The following GRIN2B variants were observed in gnomAD, a reference collection of about 807,000 sequenced individuals.
GRIN2B encodes glutamate ionotropic receptor NMDA type subunit 2B.
Under a neutral mutation model 114.5 loss-of-function variants are expected in GRIN2B, and 5 were observed. The ratio of observed to expected loss-of-function variants is 0.04; its 90% CI spans 0.02 to 0.09. GRIN2B has a LOEUF of 0.09. Ranked by LOEUF, GRIN2B falls within the 10% of genes least tolerant of loss-of-function variation. The pLI is 1.00. For synonymous variants in GRIN2B, 787 were observed against 745.1 expected (o/e 1.06, Z -0.92); for missense variants, 1,108 against 1,943.5 (o/e 0.57, Z 8.08).
At chr12:13,764,780 G>A (rs1051696416) in intron 3 of GRIN2B, among the ~76,000 whole-genome samples, 2 of 152,214 alleles carry the variant, frequency 1.3e-5, no homozygotes, top group African/African-American at 4.8e-5. Context: ...AAGTTGACAA[G>A]CAAGAAAGAG....
intron 3 of GRIN2B, among the ~76,000 whole-genome samples, chr12:13,865,022 A>G (rs1357902218): frequency 1.3e-5 from 2 of 152,206 alleles, no homozygotes; most frequent in African/African-American, 2.4e-5. Context: ...GTGCAGATCA[A>G]TATGTGTGAT....
chr12:13,588,286 A>G (rs773103017), intron 10 of GRIN2B, among the ~76,000 whole-genome samples: 1 of 152,228 alleles, frequency 6.6e-6, no homozygotes, highest in Non-Finnish European at 1.5e-5. Flanking sequence ...TTCTCTTTCA[A>G]ATAAGAGGCT....
intron 3 of GRIN2B, among the ~76,000 whole-genome samples, chr12:13,782,119 C>A (rs867421943): frequency 1.3e-5 from 2 of 152,068 alleles, no homozygotes. Flanking sequence ...GAACGTAAAA[C>A]GGTGTCTGAA....
Position 13,936,901 on chromosome 12 carries a change from G to GA in GRIN2B, c.-19+43026dup, listed in dbSNP as rs201912217. On this transcript the variant is annotated intron_variant, in intron 2 of 13. Transcript: ENST00000609686. ...AACTAGAAAGTACACTAACTGAAAT[G>GA]AAAAAAAAAATCATTGTATGGGCTT... Among the ~76,000 whole-genome samples, 287 of 148,432 alleles carry GA rather than the reference G, an allele frequency of 1.9e-3. 1 individual carries two copies. Among genetic ancestry groups the GA allele is most frequent in the African/African-American group, 5.4e-3 (221 of 40,618 alleles).
chr12:13,809,130 C>T (rs1184881402), intron 3 of GRIN2B, among the ~76,000 whole-genome samples: 2 of 152,112 alleles, frequency 1.3e-5, no homozygotes, highest in African/African-American at 2.4e-5. Context: ...CCTATAGATG[C>T]CAGTATCAAC....
In GRIN2B at chr12:13,551,960, G is replaced by A. The variant is rs1948418249; in HGVS notation, c.*10823C>T. ...CTGAAGTTTTAGGCAGGCATGTTTT[G>A]TTTCATTTCGAAAAAAAAACAATCC... On this transcript the variant is annotated 3_prime_UTR_variant, in exon 14 of 14. Coordinates refer to ENST00000609686, the MANE Select transcript of GRIN2B (RefSeq NM_000834.5). 1 of 151,688 alleles carries A rather than the reference G, an allele frequency of 6.6e-6. No individual in the cohort carries two copies. Among genetic ancestry groups the A allele is most frequent in the South Asian group, 2.1e-4 (1 of 4,796 alleles). 9.4% of individuals were successfully genotyped at this position (151,688 alleles called of 1,614,324 possible).
intron 3 of GRIN2B, among the ~76,000 whole-genome samples, chr12:13,784,432 C>A (rs1350263277): frequency 6.6e-6 from 1 of 151,942 alleles, no homozygotes; most frequent in Non-Finnish European, 1.5e-5. Context: ...ACAATTTGAG[C>A]TGTCCCCAGG....
Position 13,557,472 on chromosome 12 carries a change from T to C in GRIN2B, c.*5311A>G, listed in dbSNP as rs1948489925. The C allele has an allele frequency of 6.6e-6, 1 of 152,230 alleles. No individual in the cohort carries two copies. Among genetic ancestry groups the C allele is most frequent in the Admixed American group, 6.5e-5 (1 of 15,278 alleles). 9.4% of individuals were successfully genotyped at this position (152,230 alleles called of 1,614,324 possible). A position where few individuals can be genotyped will look rare whatever the true frequency, so the allele number is the denominator to read the frequency against. ...ACAGTAAATTTTATTGTATCACTAA[T>C]TCAATTTGATTTTTCTAGCTGCCTA... On this transcript the variant is annotated 3_prime_UTR_variant, in exon 14 of 14. Transcript: ENST00000609686.
At chr12:13,737,097 C>A (rs1342120974) in intron 4 of GRIN2B, among the ~76,000 whole-genome samples, 1 of 151,314 alleles carries the variant, frequency 6.6e-6, no homozygotes, top group Admixed American at 6.6e-5. Context: ...CCTTGTCAAG[C>A]CCAAAAGAGG....
At chr12:13,808,153 C>T (rs61912157) in intron 3 of GRIN2B, among the ~76,000 whole-genome samples, 7,020 of 152,010 alleles carry the variant, frequency 0.046, 184 homozygotes, top group African/African-American at 0.062. Context: ...GGGACAATAG[C>T]GGACATTCTC....
intron 3 of GRIN2B, among the ~76,000 whole-genome samples, chr12:13,859,421 G>A (rs564945197): frequency 6.6e-6 from 1 of 152,324 alleles, no homozygotes; most frequent in African/African-American, 2.4e-5. Flanking sequence ...TTTAAAGACA[G>A]GATGTGCTGG....
intron 10 of GRIN2B, among the ~76,000 whole-genome samples, chr12:13,597,263 A>T (rs1405502959): frequency 6.6e-6 from 1 of 152,232 alleles, no homozygotes; most frequent in Non-Finnish European, 1.5e-5. Context: ...ACGGAATCTA[A>T]GGCCAATTTG....
chr12:13,810,474 A>G (rs952398829), intron 3 of GRIN2B, among the ~76,000 whole-genome samples: 1 of 152,064 alleles, frequency 6.6e-6, no homozygotes, highest in Non-Finnish European at 1.5e-5. Flanking sequence ...TATAATGGGC[A>G]CTCAGGAAAT....
intron 4 of GRIN2B, among the ~76,000 whole-genome samples, chr12:13,750,582 A>G (rs1420603173): frequency 1.3e-5 from 2 of 152,230 alleles, no homozygotes; most frequent in African/African-American, 2.4e-5. Context: ...TGTAATTAGC[A>G]AACATTTGGG....
chr12:13,794,169 C>T (rs1187301630), intron 3 of GRIN2B, among the ~76,000 whole-genome samples: 5 of 134,698 alleles, frequency 3.7e-5, no homozygotes, highest in Admixed American at 2.5e-4. Flanking sequence ...CACTTCATTG[C>T]ACCACTGCAG....
chr12:13,777,879 A>T (rs1313944984), intron 3 of GRIN2B, among the ~76,000 whole-genome samples: 1 of 152,142 alleles, frequency 6.6e-6, no homozygotes, highest in African/African-American at 2.4e-5. Context: ...AATTTTTTAC[A>T]ATATCTGTGG....
intron 4 of GRIN2B, among the ~76,000 whole-genome samples, chr12:13,704,987 T>C (rs760698777): frequency 6.6e-6 from 1 of 152,106 alleles, no homozygotes; most frequent in Non-Finnish European, 1.5e-5. Flanking sequence ...AACCAATACA[T>C]CCTTAGGCAG....
chr12:13,631,294 T>C (rs1565483079), intron 5 of GRIN2B, among the ~76,000 whole-genome samples: 1 of 152,160 alleles, frequency 6.6e-6, no homozygotes, highest in Non-Finnish European at 1.5e-5. Flanking sequence ...GCCAAGAGCA[T>C]GAAGACCTGG....
At chr12:13,673,473 A>G (rs1008619) in intron 5 of GRIN2B, among the ~76,000 whole-genome samples, 75,892 of 151,850 alleles carry the variant, frequency 0.5, 19,645 homozygotes, top group African/African-American at 0.62. Flanking sequence ...CACAGTCAGA[A>G]TTGTGCTTCA....
Sources: allele counts gnomAD v4.1 joint callset (sites outside exome capture counted in the v4.1 genomes callset), GRCh38; gene constraint gnomAD v4.1.1; transcripts MANE v1.5; gene names NCBI Gene and HGNC (gene_info 2026-07-23, HGNC 2026-07-21).